Variants in DOK6 observed in about 807,000 individuals in gnomAD.
The protein encoded by DOK6 is downstream of tyrosine kinase 6.
Under a neutral mutation model 44.0 loss-of-function variants are expected in DOK6, and 22 were observed. That is an observed-to-expected ratio of 0.50 (90% confidence interval 0.36 to 0.71). The LOEUF is 0.71. DOK6 is among the 30% of genes least tolerant of loss of function. The pLI, the probability that DOK6 is intolerant of heterozygous loss-of-function variation, is 0.00. For missense variants in DOK6, 340 were observed against 416.4 expected (o/e 0.82, Z 1.60); for synonymous variants, 166 against 145.5 (o/e 1.14, Z -1.01).
intron 3 of DOK6, among the ~76,000 whole-genome samples, chr18:69,623,006 A>G (rs1984478268): frequency 6.6e-6 from 1 of 152,142 alleles, no homozygotes; most frequent in Admixed American, 6.5e-5. Flanking sequence ...TCTCATGTAG[A>G]GTTGTCATCC....
At position 69,846,526 on chromosome 18, in the gene DOK6, A is replaced by T. The variant is rs551171466; in HGVS notation, c.*5143A>T. ...CCAGCTGTATCAGTAGAGAGGTGTT[A>T]TGGGGCAATTCATTAGATTTCTGGT... On this transcript the variant is annotated 3_prime_UTR_variant, in exon 8 of 8. Coordinates refer to ENST00000382713, the MANE Select transcript of DOK6 (RefSeq NM_152721.6). 6.6e-6 allele frequency: 1 copy of T among 152,304 alleles called. No individual in the cohort carries two copies. Among genetic ancestry groups the T allele is most frequent in the East Asian group, 1.9e-4 (1 of 5,186 alleles). The allele number at this position is 152,304 out of a possible 1,614,324, so 9.4% of individuals were successfully genotyped here.
intron 3 of DOK6, among the ~76,000 whole-genome samples, chr18:69,666,263 T>A (rs148125710): frequency 9.1e-4 from 139 of 152,308 alleles, no homozygotes; most frequent in Middle Eastern, 3.4e-3. Context: ...TATTTTCTAA[T>A]CCATTCACCA....
chr18:69,763,495 T>C (rs1263104304), intron 7 of DOK6, among the ~76,000 whole-genome samples: 1 of 152,200 alleles, frequency 6.6e-6, no homozygotes, highest in Admixed American at 6.5e-5. Flanking sequence ...ATACTATTTG[T>C]TTTAATATTC....
intron 3 of DOK6, among the ~76,000 whole-genome samples, chr18:69,650,063 AC>A (rs1985183172): frequency 6.6e-6 from 1 of 152,028 alleles, no homozygotes; most frequent in Non-Finnish European, 1.5e-5. Flanking sequence ...ACAAGGCAAG[AC>A]TTTTCTTGCC....
chr18:69,797,494 ATAAT>A (rs1232976124), intron 7 of DOK6, among the ~76,000 whole-genome samples: 1 of 152,184 alleles, frequency 6.6e-6, no homozygotes, highest in Non-Finnish European at 1.5e-5. Flanking sequence ...CACAGGAAAA[ATAAT>A]AGCCCAGTTT....
chr18:69,488,583 G>T (rs189809510), intron 1 of DOK6, among the ~76,000 whole-genome samples: 61 of 152,306 alleles, frequency 4.0e-4, no homozygotes, highest in Middle Eastern at 3.4e-3. Context: ...ACAATCATGG[G>T]GGGAGGTGAA....
intron 6 of DOK6, among the ~76,000 whole-genome samples, chr18:69,744,087 G>T (rs989480710): frequency 3.3e-5 from 5 of 152,152 alleles, no homozygotes; most frequent in Non-Finnish European, 7.3e-5. Flanking sequence ...AAGGCAGGTG[G>T]ATCACCTGAG....
intron 3 of DOK6, among the ~76,000 whole-genome samples, chr18:69,657,178 A>G (rs962947057): frequency 5.3e-5 from 8 of 152,258 alleles, no homozygotes; most frequent in African/African-American, 1.9e-4. Context: ...ACAGTGATAG[A>G]AAGTGAAAGG....
chr18:69,573,899 T>C (rs1262768239), intron 2 of DOK6, among the ~76,000 whole-genome samples: 1 of 152,018 alleles, frequency 6.6e-6, no homozygotes, highest in African/African-American at 2.4e-5. Flanking sequence ...TTCCTAGTCA[T>C]CAAAATTACA....
In DOK6 at chr18:69,599,336, T is replaced by C. The variant is rs371118708; in HGVS notation, c.175-48T>C. 7.5e-4 allele frequency: 1,006 copies of C among 1,339,828 alleles called. 6 individuals are homozygous for C. The highest frequency in any genetic ancestry group is 5.2e-4 in the Non-Finnish European group (495 of 960,432). The allele number at this position is 1,339,828 out of a possible 1,614,324, so 83.0% of individuals were successfully genotyped here. On this transcript the variant is annotated intron_variant, in intron 2 of 7. Transcript: ENST00000382713. ...ATCATTTTGTTTCAGCACTCCAACA[T>C]ACAGCATACATACTGTACACTAAGT...
intron 3 of DOK6, among the ~76,000 whole-genome samples, chr18:69,629,879 C>T (rs561685927): frequency 3.3e-5 from 5 of 152,288 alleles, no homozygotes; most frequent in Non-Finnish European, 7.4e-5. Context: ...AAATTTCTGC[C>T]TCCCAGGTTC....
intron 1 of DOK6, among the ~76,000 whole-genome samples, chr18:69,525,111 C>A (rs757210784): frequency 2.0e-5 from 3 of 151,504 alleles, no homozygotes; most frequent in African/African-American, 7.3e-5. Context: ...AAATCTTGTA[C>A]GTCTTTAAAA....
chr18:69,479,499 G>T (rs557393347), intron 1 of DOK6, among the ~76,000 whole-genome samples: 2 of 152,088 alleles, frequency 1.3e-5, no homozygotes, highest in Admixed American at 6.5e-5. Context: ...GGAATACAAC[G>T]TTTTCCTCAG....
At chr18:69,428,589 T>G (rs1055758270) in intron 1 of DOK6, among the ~76,000 whole-genome samples, 1 of 152,070 alleles carries the variant, frequency 6.6e-6, no homozygotes, top group African/African-American at 2.4e-5. Flanking sequence ...CATGAAAAAT[T>G]ACTAAGTTAT....
chr18:69,544,018 C>T (rs34272854), intron 1 of DOK6, among the ~76,000 whole-genome samples: 1,762 of 150,412 alleles, frequency 0.012, 48 homozygotes, highest in African/African-American at 0.028. Context: ...ACAGTTCTTG[C>T]GGGGCTGAGG....
At chr18:69,712,407 T>C (rs1340974086) in intron 5 of DOK6, among the ~76,000 whole-genome samples, 2 of 151,918 alleles carry the variant, frequency 1.3e-5, no homozygotes, top group East Asian at 3.9e-4. Context: ...ATGGATATTA[T>C]TGTGTTTATT....
At chr18:69,744,535 A>G (rs1978915805) in intron 6 of DOK6, among the ~76,000 whole-genome samples, 1 of 152,140 alleles carries the variant, frequency 6.6e-6, no homozygotes, top group Non-Finnish European at 1.5e-5. Context: ...TTGATAATGA[A>G]AATGTGAAAA....
At chr18:69,694,696 G>A (rs1986353438) in intron 4 of DOK6, among the ~76,000 whole-genome samples, 1 of 151,928 alleles carries the variant, frequency 6.6e-6, no homozygotes, top group African/African-American at 2.4e-5. Context: ...TCAAAAATTT[G>A]TTTTTCCATA....
At chr18:69,522,168 C>T (rs1255196217) in intron 1 of DOK6, among the ~76,000 whole-genome samples, 2 of 151,628 alleles carry the variant, frequency 1.3e-5, no homozygotes, top group African/African-American at 2.4e-5. Context: ...TTTATGTTTG[C>T]GTGCCATTTA....
Sources: allele counts gnomAD v4.1 joint callset (sites outside exome capture counted in the v4.1 genomes callset), GRCh38; gene constraint gnomAD v4.1.1; transcripts MANE v1.5; gene names NCBI Gene and HGNC (gene_info 2026-07-23, HGNC 2026-07-21).